The following MAP2K4 variants were observed in gnomAD, a reference collection of about 807,000 sequenced individuals.
The protein encoded by MAP2K4 is dual specificity mitogen-activated protein kinase kinase 4.
Under a neutral mutation model 48.5 loss-of-function variants are expected in MAP2K4, and 4 were observed. That is an observed-to-expected ratio of 0.08 (90% CI 0.04 to 0.19). The LOEUF (loss-of-function observed/expected upper bound fraction) is 0.19. MAP2K4 is among the 10% of genes least tolerant of loss of function. The probability of loss-of-function intolerance (pLI) is 1.00; values close to 1 mark genes in which losing one functional copy is unlikely to be tolerated. For synonymous variants in MAP2K4, 166 were observed against 173.1 expected, an observed-to-expected ratio of 0.96 and a Z score of 0.32; for missense variants, 258 against 493.3, an observed-to-expected ratio of 0.52 and a Z score of 4.52.
At chr17:12,042,109 A>G (rs1211626186) in intron 1 of MAP2K4, among the ~76,000 whole-genome samples, 1 of 124,376 alleles carries the variant, frequency 8.0e-6, no homozygotes, top group Non-Finnish European at 1.6e-5. Flanking sequence ...TGAACCCAGG[A>G]GGTGGAGGTT....
chr17:12,129,830 CTGT>C (rs1972969317), intron 9 of MAP2K4, among the ~76,000 whole-genome samples: 1 of 152,158 alleles, frequency 6.6e-6, no homozygotes, highest in African/African-American at 2.4e-5. Flanking sequence ...AACCCCACAC[CTGT>C]TGTTGTTTGT....
intron 1 of MAP2K4, among the ~76,000 whole-genome samples, chr17:12,023,185 TAGTC>T (rs1274128071): frequency 1.3e-5 from 2 of 152,222 alleles, no homozygotes; most frequent in African/African-American, 4.8e-5. Flanking sequence ...CTTTTTTCAT[TAGTC>T]AGAATGAAGT....
chr17:12,043,818 G>A (rs1168307604), intron 1 of MAP2K4, among the ~76,000 whole-genome samples: 3 of 152,054 alleles, frequency 2.0e-5, no homozygotes, highest in Non-Finnish European at 4.4e-5. Context: ...CCTATTGTTA[G>A]GGGTTTTTAT....
chr17:12,049,241 C>T (rs1202826928), intron 1 of MAP2K4, among the ~76,000 whole-genome samples: 1 of 152,198 alleles, frequency 6.6e-6, no homozygotes, highest in Non-Finnish European at 1.5e-5. Context: ...CAGCTCCCCT[C>T]TCTGCGATGT....
At chr17:12,049,747 G>A (rs1274445968) in intron 1 of MAP2K4, among the ~76,000 whole-genome samples, 1 of 152,118 alleles carries the variant, frequency 6.6e-6, no homozygotes, top group Non-Finnish European at 1.5e-5. Context: ...GTTAAATCAA[G>A]CCCCAAGGCC....
intron 2 of MAP2K4, among the ~76,000 whole-genome samples, chr17:12,072,102 C>T (rs531422800): frequency 2.6e-5 from 4 of 152,152 alleles, no homozygotes; most frequent in Non-Finnish European, 5.9e-5. Flanking sequence ...CACCTGCGCA[C>T]TTTGAAATGA....
chr17:12,086,564 G>A (rs1384432864), intron 3 of MAP2K4, among the ~76,000 whole-genome samples: 5 of 152,154 alleles, frequency 3.3e-5, no homozygotes, highest in Admixed American at 1.3e-4. Context: ...AGTACTGTTC[G>A]GGGTTATGTG....
At chr17:12,134,805 A>G (rs1477375534) in intron 9 of MAP2K4, among the ~76,000 whole-genome samples, 1 of 152,254 alleles carries the variant, frequency 6.6e-6, no homozygotes, top group Non-Finnish European at 1.5e-5. Context: ...AGAAACAGCT[A>G]TAACAGGAGG....
At chr17:12,094,466 A>G (rs1971663508) in intron 3 of MAP2K4, among the ~76,000 whole-genome samples, 2 of 152,182 alleles carry the variant, frequency 1.3e-5, no homozygotes, top group Non-Finnish European at 1.5e-5. Flanking sequence ...CATTTGACAG[A>G]TACTTCGAAG....
intron 9 of MAP2K4, among the ~76,000 whole-genome samples, 181 bp downstream of exon 9, chr17:12,129,468 C>T (rs1972959988): frequency 6.6e-6 from 1 of 152,190 alleles, no homozygotes; most frequent in Non-Finnish European, 1.5e-5. Context: ...CTGGGAGAGG[C>T]ATCACCTTCT....
chr17:12,095,908 TGTGTG>T (rs1971729308), intron 4 of MAP2K4, among the ~76,000 whole-genome samples: 2 of 146,292 alleles, frequency 1.4e-5, no homozygotes, highest in South Asian at 4.3e-4. Flanking sequence ...TGTGTGTGTG[TGTGTG>T]TGTGTGTGTG....
At chr17:12,074,181 G>A (rs1271577019) in intron 2 of MAP2K4, among the ~76,000 whole-genome samples, 3 of 151,956 alleles carry the variant, frequency 2.0e-5, no homozygotes, top group South Asian at 2.1e-4. Flanking sequence ...TATATGGAAC[G>A]TGGTAAATGT....
intron 3 of MAP2K4, among the ~76,000 whole-genome samples, chr17:12,093,833 T>TA (rs1193601898): frequency 3.9e-5 from 6 of 152,206 alleles, no homozygotes; most frequent in Non-Finnish European, 8.8e-5. Context: ...TATAAATAAT[T>TA]ACCTTCCTAA....
chr17:12,081,236 TG>T lies in MAP2K4; in HGVS notation c.219-118del. 1 of 686,854 alleles carries T rather than the reference TG, an allele frequency of 1.5e-6. No individual in the cohort carries two copies. Among genetic ancestry groups the T allele is most frequent in the Non-Finnish European group, 2.3e-6 (1 of 431,488 alleles). The allele number at this position is 686,854 out of a possible 1,614,324, so 42.5% of individuals were successfully genotyped here. A position where few individuals can be genotyped will look rare whatever the true frequency, so the allele number is the denominator to read the frequency against. Reference sequence around the variant, plus strand: ...ACACAAATGAAAAACTTCAAAAACCTGGAGGTCAGACTATTTTAGTAATTTA... The same window carrying T: ...ACACAAATGAAAAACTTCAAAAACCTGAGGTCAGACTATTTTAGTAATTTA... On this transcript the variant is annotated intron_variant, in intron 2 of 10. Transcript: ENST00000353533. The surrounding 1 kb of genome is among the most constrained non-coding windows in gnomAD (Gnocchi z 4.2).
At position 12,133,070 on chromosome 17, in the gene MAP2K4, T is replaced by TTTGTTG. The variant is rs539104400; in HGVS notation, c.1040+3804_1040+3809dup. On this transcript the variant is annotated intron_variant, in intron 9 of 10. Transcript: ENST00000353533. ...AGGGAAGTCTGATTACTTCTTGGGT[T>TTTGTTG]TTGTTGTTGTTGTTGTTGTTGTTGT... Among the ~76,000 whole-genome samples the TTTGTTG allele has an allele frequency of 1.5e-4, 23 of 151,866 alleles. No homozygotes were observed. In the East Asian group the frequency reaches 4.3e-3, roughly 28 times the overall value.
chr17:12,106,887 ATGT>A (rs1003231421), intron 4 of MAP2K4, among the ~76,000 whole-genome samples: 13 of 151,932 alleles, frequency 8.6e-5, no homozygotes, highest in Admixed American at 2.6e-4. Flanking sequence ...AATCTCTTTA[ATGT>A]TGTTGTATTC....
chr17:12,064,605 C>T (rs932646782), intron 2 of MAP2K4, among the ~76,000 whole-genome samples: 1 of 152,140 alleles, frequency 6.6e-6, no homozygotes, highest in Admixed American at 6.5e-5. Flanking sequence ...GCAGAATTCT[C>T]CTATATTGTT....
chr17:12,056,080 C>G (rs1970275261), intron 2 of MAP2K4, among the ~76,000 whole-genome samples: 1 of 151,990 alleles, frequency 6.6e-6, no homozygotes, highest in African/African-American at 2.4e-5. Context: ...GGAAACAATT[C>G]TTAAAAGAAC....
chr17:12,061,590 TGTTGA>T (rs1970450757), intron 2 of MAP2K4, among the ~76,000 whole-genome samples: 1 of 152,254 alleles, frequency 6.6e-6, no homozygotes, highest in Non-Finnish European at 1.5e-5. Flanking sequence ...TGATACATGC[TGTTGA>T]GTTGTGTGCT....
Sources: allele counts gnomAD v4.1 joint callset (sites outside exome capture counted in the v4.1 genomes callset), GRCh38; gene constraint gnomAD v4.1.1; non-coding constraint Gnocchi (gnomAD v3.1); transcripts MANE v1.5; gene names NCBI Gene and HGNC (gene_info 2026-07-23, HGNC 2026-07-21).